Variants in FHAD1 observed in about 807,000 individuals in gnomAD.
FHAD1 encodes forkhead associated phosphopeptide binding domain 1, also known as forkhead-associated domain-containing protein 1.
Under a neutral mutation model 191.3 loss-of-function variants are expected in FHAD1, and 146 were observed. The observed-to-expected ratio is 0.76, with a 90% CI of 0.67 to 0.88. The LOEUF is 0.88. FHAD1 is among the 40% of genes least tolerant of loss of function. The pLI, the probability that FHAD1 is intolerant of heterozygous loss-of-function variation, is 0.00. For missense variants in FHAD1, 1,635 were observed against 1,785.8 expected (o/e 0.92, Z 1.52); for synonymous variants, 616 against 672.3 (o/e 0.92, Z 1.29).
At chr1:15,340,438 G>A (rs566882374) in intron 15 of FHAD1, among the ~76,000 whole-genome samples, 1 of 152,264 alleles carries the variant, frequency 6.6e-6, no homozygotes, top group Admixed American at 6.5e-5. Flanking sequence ...ATCTAGACTG[G>A]CCTCAGCTGG....
chr1:15,243,712 CT>C (rs1013341166), upstream of FHAD1, among the ~76,000 whole-genome samples: 18 of 152,270 alleles, frequency 1.2e-4, no homozygotes, highest in African/African-American at 4.3e-4. Context: ...AAGCTGCCTC[CT>C]CTGGGCTTAT....
intron 6 of FHAD1, among the ~76,000 whole-genome samples, chr1:15,305,338 C>T (rs1258823578): frequency 1.3e-5 from 2 of 152,114 alleles, no homozygotes. Flanking sequence ...ACGGATTTTG[C>T]AGATGGCAGT....
At chr1:15,250,520 G>A (rs891445258) in intron 1 of FHAD1, among the ~76,000 whole-genome samples, 1 of 152,136 alleles carries the variant, frequency 6.6e-6, no homozygotes, top group African/African-American at 2.4e-5. Context: ...GTAAAATGCT[G>A]GGGGGAATAC....
intron 10 of FHAD1, among the ~76,000 whole-genome samples, chr1:15,319,745 G>T (rs1449267966): frequency 6.6e-6 from 1 of 152,198 alleles, no homozygotes; most frequent in Non-Finnish European, 1.5e-5. Context: ...ATATTTGATA[G>T]GGTCCAGAAA....
chr1:15,239,117 A>G (rs1032558395), intron 1 of FHAD1, among the ~76,000 whole-genome samples: 6 of 152,078 alleles, frequency 3.9e-5, no homozygotes, highest in African/African-American at 1.2e-4. Context: ...TATGTTGCCT[A>G]TGCTGGTTCA....
chr1:15,382,275 G>A, intron 31 of FHAD1, 82 bp downstream of exon 31: 1 of 1,377,366 alleles, frequency 7.3e-7, no homozygotes, highest in Non-Finnish European at 9.9e-7. Flanking sequence ...GTCCCTGGAG[G>A]ATCCAGGTAG....
intron 28 of FHAD1, among the ~76,000 whole-genome samples, chr1:15,377,633 G>A (rs982515636): frequency 1.3e-5 from 2 of 151,994 alleles, no homozygotes; most frequent in Non-Finnish European, 2.9e-5. Flanking sequence ...GAGCTCAGGA[G>A]TTCGAGACCA....
At chr1:15,331,068 A>G (rs1398622088) in intron 14 of FHAD1, among the ~76,000 whole-genome samples, 1 of 152,120 alleles carries the variant, frequency 6.6e-6, no homozygotes, top group Non-Finnish European at 1.5e-5. Context: ...GGAAAGTGAC[A>G]GAGAGTCAAC....
rs531665799 is a variant in FHAD1 at position 15,353,724 on chromosome 1, AAAG to A, written c.2562+743_2562+745del. ...CATCTCAAAAAAAAAAAAAAAAAAA[AAAG>A]AAAAGAAAAAAAAAAAAAGAGGGAT... On this transcript the variant is annotated intron_variant, in intron 20 of 33. Transcript: ENST00000688493. Among the ~76,000 whole-genome samples the A allele has an allele frequency of 7.3e-3, 1,061 of 144,850 alleles. 10 individuals carry two copies. The highest frequency in any genetic ancestry group is 0.028 in the African/African-American group (1,007 of 36,398).
chr1:15,360,381 G>A (rs770693971), intron 21 of FHAD1, 97 bp from the exon 22 acceptor site: 39 of 1,071,448 alleles, frequency 3.6e-5, no homozygotes, highest in Non-Finnish European at 5.2e-5. Flanking sequence ...CTGGGGTGGG[G>A]CCCAGTTTAG....
intron 4 of FHAD1, among the ~76,000 whole-genome samples, chr1:15,293,735 A>T (rs1020109559): frequency 6.6e-6 from 1 of 152,184 alleles, no homozygotes; most frequent in Non-Finnish European, 1.5e-5. Flanking sequence ...CCAACAAACA[A>T]AAAAACAAAA....
At chr1:15,263,884 A>C (rs1573767899) in intron 2 of FHAD1, among the ~76,000 whole-genome samples, 1 of 152,196 alleles carries the variant, frequency 6.6e-6, no homozygotes, top group East Asian at 1.9e-4. Flanking sequence ...TGTTGAAAAG[A>C]CTGTCCTTTC....
intron 8 of FHAD1, chr1:15,314,298 G>C (rs1013874530): frequency 3.3e-5 from 5 of 152,224 alleles, no homozygotes; most frequent in Admixed American, 3.3e-4. Context: ...GGATGAAGCA[G>C]CAGTAGTGAC....
At chr1:15,386,849 C>CTTTTTTTT (rs59453670) in intron 31 of FHAD1, among the ~76,000 whole-genome samples, 10 of 144,226 alleles carry the variant, frequency 6.9e-5, no homozygotes, top group East Asian at 2.0e-4. Context: ...TCCTTTCTTT[C>CTTTTTTTT]TTTTTTTTTT....
In FHAD1 at chr1:15,391,195, C is replaced by T. The variant is rs1188779954; in HGVS notation, c.4270-15C>T. ...ATCTAAGCTAGATTTTGTTCTTATTCTTTCTGTATTGAAGAGACGAGTATT... is the reference window on the plus strand; with the variant it reads ...ATCTAAGCTAGATTTTGTTCTTATTTTTTCTGTATTGAAGAGACGAGTATT... On this transcript the variant is annotated splice_polypyrimidine_tract_variant and intron_variant, in intron 32 of 33. Transcript: ENST00000688493. The T allele has an allele frequency of 7.9e-7, 1 of 1,263,086 alleles. No individual in the cohort carries two copies. Among genetic ancestry groups the T allele is most frequent in the Admixed American group, 2.5e-5 (1 of 39,948 alleles). 78.2% of individuals were successfully genotyped at this position (1,263,086 alleles called of 1,614,324 possible).
At chr1:15,245,511 T>G (rs371042313), upstream of FHAD1, among the ~76,000 whole-genome samples, 4 of 152,306 alleles carry the variant, frequency 2.6e-5, no homozygotes, top group African/African-American at 9.6e-5. Context: ...TGAGGGGAAG[T>G]GCATTCCAGG....
chr1:15,247,685 A>C (rs563458589), intron 1 of FHAD1, among the ~76,000 whole-genome samples: 1 of 152,214 alleles, frequency 6.6e-6, no homozygotes, highest in African/African-American at 2.4e-5. Flanking sequence ...TAGGAGGGGC[A>C]TCCCTGCTGC....
intron 3 of FHAD1, among the ~76,000 whole-genome samples, chr1:15,280,750 G>A (rs551811641): frequency 3.9e-5 from 6 of 152,316 alleles, no homozygotes; most frequent in African/African-American, 9.6e-5. Flanking sequence ...GGTAGAAAAC[G>A]CAGTTTGCAA....
chr1:15,389,989 G>T (rs574776727), intron 32 of FHAD1, among the ~76,000 whole-genome samples: 1 of 152,320 alleles, frequency 6.6e-6, no homozygotes, highest in African/African-American at 2.4e-5. Context: ...AGGCAGGGCG[G>T]CCCTGAGGCA....
Sources: gnomAD v4.1 joint callset for allele counts (sites outside exome capture counted in the v4.1 genomes callset) on GRCh38, gnomAD v4.1.1 for gene constraint, MANE v1.5 for transcripts, NCBI Gene and HGNC (gene_info 2026-07-23, HGNC 2026-07-21) for gene names.